The following CACNA2D3 variants were observed in gnomAD, a reference collection of about 807,000 sequenced individuals.
CACNA2D3 encodes voltage-dependent calcium channel subunit alpha-2/delta-3.
Under a neutral mutation model 160.6 loss-of-function variants are expected in CACNA2D3, and 60 were observed. That is an observed-to-expected ratio of 0.37 (90% confidence interval 0.30 to 0.46). The LOEUF is 0.46. CACNA2D3 is among the 20% of genes least tolerant of loss of function. The pLI, the probability that CACNA2D3 is intolerant of heterozygous loss-of-function variation, is 1.00. For missense variants in CACNA2D3, 1,205 were observed against 1,365.0 expected, an observed-to-expected ratio of 0.88 and a Z score of 1.85; for synonymous variants, 558 against 492.9, an observed-to-expected ratio of 1.13 and a Z score of -1.75.
Position 54,802,663 on chromosome 3 carries a change from G to A in CACNA2D3, c.1381-14190G>A, listed in dbSNP as rs541305860. Among the ~76,000 whole-genome samples, 73 of 152,252 alleles carry A rather than the reference G, an allele frequency of 4.8e-4. 2 individuals are homozygous for A. The highest frequency in any genetic ancestry group is 1.5e-3 in the African/African-American group (63 of 41,528). On this transcript the variant is annotated intron_variant, in intron 13 of 37. Coordinates refer to ENST00000474759, the MANE Select transcript of CACNA2D3 (RefSeq NM_018398.3). ...AAACAAAAAGACAGCAGTAACCTCT[G>A]CAGACTTAAATGTCCCTGTCTGACA... is the stretch of plus-strand genomic sequence containing the variant.
chr3:54,730,177 C>A (rs755785817), intron 11 of CACNA2D3, among the ~76,000 whole-genome samples: 1 of 152,170 alleles, frequency 6.6e-6, no homozygotes, highest in Non-Finnish European at 1.5e-5. Context: ...TTGACACTTA[C>A]ATGTTCAACT....
intron 11 of CACNA2D3, among the ~76,000 whole-genome samples, chr3:54,691,713 C>A (rs1391951081): frequency 6.6e-6 from 1 of 152,052 alleles, no homozygotes; most frequent in Non-Finnish European, 1.5e-5. Flanking sequence ...AGCTCTGGGG[C>A]CTATGTGAGT....
At chr3:54,257,303 A>T (rs1210549453) in intron 2 of CACNA2D3, among the ~76,000 whole-genome samples, 4 of 152,342 alleles carry the variant, frequency 2.6e-5, no homozygotes, top group Non-Finnish European at 2.9e-5. Context: ...ATGTACGGCA[A>T]ATATCTGATT....
At chr3:54,147,333 T>C (rs1700051028) in intron 2 of CACNA2D3, among the ~76,000 whole-genome samples, 2 of 152,336 alleles carry the variant, frequency 1.3e-5, no homozygotes, top group African/African-American at 2.4e-5. Context: ...GCGTTGGCTC[T>C]TCTGACTCTA....
chr3:54,304,606 A>G (rs1703555307), intron 2 of CACNA2D3, among the ~76,000 whole-genome samples: 1 of 152,198 alleles, frequency 6.6e-6, no homozygotes, highest in Admixed American at 6.5e-5. Context: ...GATTACATCT[A>G]CCATCTGATT....
intron 35 of CACNA2D3, among the ~76,000 whole-genome samples, chr3:55,041,157 C>T (rs1278986270): frequency 6.6e-6 from 1 of 152,104 alleles, no homozygotes; most frequent in African/African-American, 2.4e-5. Context: ...TATAGAGATA[C>T]AATTGCTTGC....
intron 4 of CACNA2D3, among the ~76,000 whole-genome samples, chr3:54,457,318 A>G (rs1412482488): frequency 6.6e-6 from 1 of 151,876 alleles, no homozygotes; most frequent in Non-Finnish European, 1.5e-5. Context: ...TCATTGACCC[A>G]TTTGTTGTTC....
intron 9 of CACNA2D3, among the ~76,000 whole-genome samples, chr3:54,624,547 G>A (rs1699054702): frequency 1.3e-5 from 2 of 152,290 alleles, no homozygotes; most frequent in African/African-American, 2.4e-5. Context: ...GCGTGAACCC[G>A]GGAGGCGGAG....
chr3:55,050,812 C>A (rs1323529325), intron 35 of CACNA2D3, among the ~76,000 whole-genome samples: 1 of 129,326 alleles, frequency 7.7e-6, no homozygotes, highest in Non-Finnish European at 1.6e-5. Flanking sequence ...TCTTTTTATT[C>A]TCTTTTCTCT....
chr3:54,600,943 A>G (rs890197541), intron 9 of CACNA2D3, among the ~76,000 whole-genome samples: 9 of 151,750 alleles, frequency 5.9e-5, no homozygotes, highest in African/African-American at 2.2e-4. Context: ...TAGATATCAG[A>G]TGTTTTGTTT....
intron 9 of CACNA2D3, among the ~76,000 whole-genome samples, chr3:54,612,057 A>G (rs4358270): frequency 0.26 from 39,923 of 152,046 alleles, 5,662 homozygotes; most frequent in African/African-American, 0.35. Context: ...AGTTCTGTTC[A>G]TTCTACTAGT....
intron 3 of CACNA2D3, among the ~76,000 whole-genome samples, chr3:54,350,992 T>TGG (rs1274277229): frequency 9.0e-6 from 1 of 110,978 alleles, no homozygotes; most frequent in Admixed American, 9.6e-5. Context: ...GTTTGTTTTT[T>TGG]TTTTTTTTTT....
chr3:54,579,016 G>A (rs1240938931), intron 8 of CACNA2D3, among the ~76,000 whole-genome samples: 3 of 152,206 alleles, frequency 2.0e-5, no homozygotes, highest in African/African-American at 7.2e-5. Flanking sequence ...GTACACGGTA[G>A]AGGCAGGACT....
At chr3:54,944,019 G>T (rs1221976877) in intron 27 of CACNA2D3, among the ~76,000 whole-genome samples, 2 of 152,154 alleles carry the variant, frequency 1.3e-5, no homozygotes, top group African/African-American at 4.8e-5. Flanking sequence ...ACTGGCCATA[G>T]AATACCTGGC....
chr3:54,837,799 C>T (rs3773605), intron 15 of CACNA2D3, among the ~76,000 whole-genome samples: 48,602 of 152,030 alleles, frequency 0.32, 8,230 homozygotes, highest in Non-Finnish European at 0.38. Context: ...ATATGTCTCT[C>T]TGTGTCCTTC....
At chr3:54,968,090 A>G (rs1702190063) in intron 27 of CACNA2D3, among the ~76,000 whole-genome samples, 1 of 152,160 alleles carries the variant, frequency 6.6e-6, no homozygotes, top group East Asian at 1.9e-4. Context: ...AATAGCTGAC[A>G]GGAACTGAAG....
At chr3:54,868,430 T>C (rs1246552502) in intron 17 of CACNA2D3, among the ~76,000 whole-genome samples, 4 of 152,170 alleles carry the variant, frequency 2.6e-5, no homozygotes, top group African/African-American at 9.7e-5. Context: ...TGGGCTAGTA[T>C]GATGGGAAAT....
chr3:54,752,575 G>A (rs1184101575), intron 11 of CACNA2D3, 24 bp from the exon 12 acceptor site: 2 of 1,589,792 alleles, frequency 1.3e-6, no homozygotes, highest in Non-Finnish European at 1.7e-6. Context: ...ATGCCGCTCA[G>A]CCATGCGTTT....
In CACNA2D3 at chr3:54,894,467, A is replaced by T. The variant is rs148804909; in HGVS notation, c.2247-2282A>T. On this transcript the variant is annotated intron_variant, in intron 25 of 37. Coordinates refer to ENST00000474759, the MANE Select transcript of CACNA2D3 (RefSeq NM_018398.3). Reference sequence around the variant, plus strand: ...CAGCCACCCCCAAAGCCTGAATGTCACTGCCTTAAGTGAGGACCACTTCAT... The same window carrying T: ...CAGCCACCCCCAAAGCCTGAATGTCTCTGCCTTAAGTGAGGACCACTTCAT... 1,484 of 434,922 alleles carry T rather than the reference A, an allele frequency of 3.4e-3. 23 individuals are homozygous for T. The highest frequency in any genetic ancestry group is 0.026 in the African/African-American group (1,292 of 49,820). 26.9% of individuals were successfully genotyped at this position (434,922 alleles called of 1,614,324 possible). A position where few individuals can be genotyped will look rare whatever the true frequency, so the allele number is the denominator to read the frequency against.
Sources: gnomAD v4.1 joint callset for allele counts (sites outside exome capture counted in the v4.1 genomes callset) on GRCh38, gnomAD v4.1.1 for gene constraint, MANE v1.5 for transcripts, NCBI Gene and HGNC (gene_info 2026-07-23, HGNC 2026-07-21) for gene names.